Variants in PACRG observed in about 807,000 individuals in gnomAD.
PACRG encodes parkin coregulated gene protein.
A neutral mutation model predicts 29.7 loss-of-function variants in PACRG; 29 were observed. That is an observed-to-expected ratio of 0.98 (90% CI 0.73 to 1.33). PACRG has a LOEUF of 1.33. Ranked by LOEUF, PACRG falls within the 40% of genes most tolerant of loss-of-function variation. PACRG has a pLI of 0.00. For missense variants in PACRG, 279 were observed against 316.2 expected, an observed-to-expected ratio of 0.88 and a Z score of 0.89; for synonymous variants, 116 against 118.7, an observed-to-expected ratio of 0.98 and a Z score of 0.15.
At chr6:162,940,867 T>G (rs1336006256) in intron 2 of PACRG, among the ~76,000 whole-genome samples, 1 of 152,186 alleles carries the variant, frequency 6.6e-6, no homozygotes, top group Non-Finnish European at 1.5e-5. Context: ...GAGTTTTTAC[T>G]GGACTATCAG....
At chr6:162,742,555 A>G (rs996038385) in intron 1 of PACRG, among the ~76,000 whole-genome samples, 1 of 152,204 alleles carries the variant, frequency 6.6e-6, no homozygotes, top group Non-Finnish European at 1.5e-5. Flanking sequence ...TTTCACATGC[A>G]TAAATATTCT....
chr6:162,730,591 A>T (rs1779687052), intron 1 of PACRG, among the ~76,000 whole-genome samples: 1 of 152,162 alleles, frequency 6.6e-6, no homozygotes, highest in African/African-American at 2.4e-5. Context: ...GTTTCATCAA[A>T]TGGGCTGTGC....
intron 2 of PACRG, among the ~76,000 whole-genome samples, chr6:162,877,435 G>C (rs909219832): frequency 6.6e-6 from 1 of 152,052 alleles, no homozygotes; most frequent in African/African-American, 2.4e-5. Context: ...GGGCCTGTTG[G>C]GAGGTTGGGG....
At chr6:162,867,019 T>C (rs1388062930) in intron 2 of PACRG, among the ~76,000 whole-genome samples, 1 of 152,126 alleles carries the variant, frequency 6.6e-6, no homozygotes, top group Non-Finnish European at 1.5e-5. Context: ...TGGTAAATAA[T>C]AAATATAAGT....
intron 2 of PACRG, among the ~76,000 whole-genome samples, chr6:162,867,054 C>T (rs1792355934): frequency 2.0e-5 from 3 of 152,116 alleles, no homozygotes; most frequent in Admixed American, 2.0e-4. Flanking sequence ...AACCAGGGTC[C>T]ACAGCGGGAA....
intron 4 of PACRG, among the ~76,000 whole-genome samples, chr6:163,271,099 A>C (rs558421434): frequency 6.6e-6 from 1 of 152,170 alleles, no homozygotes; most frequent in Non-Finnish European, 1.5e-5. Context: ...AAGGTCCAAG[A>C]GTCCCAAAGC....
intron 2 of PACRG, among the ~76,000 whole-genome samples, chr6:162,866,323 C>T (rs956573378): frequency 6.6e-6 from 1 of 152,184 alleles, no homozygotes; most frequent in Non-Finnish European, 1.5e-5. Flanking sequence ...TCCTGTGCTT[C>T]CGGTCTTTAC....
At chr6:163,240,761 C>T (rs753548500) in intron 4 of PACRG, among the ~76,000 whole-genome samples, 5 of 152,218 alleles carry the variant, frequency 3.3e-5, no homozygotes, top group Non-Finnish European at 5.9e-5. Context: ...CCTCGGGGCG[C>T]TGCCCTGTGG....
chr6:163,138,079 T>G (rs371484965), intron 4 of PACRG, among the ~76,000 whole-genome samples: 1 of 152,198 alleles, frequency 6.6e-6, no homozygotes, highest in Non-Finnish European at 1.5e-5. Context: ...CGGAGCCGCC[T>G]GGGGCATTAG....
chr6:162,795,933 GC>G (rs1344587829), intron 1 of PACRG, among the ~76,000 whole-genome samples: 1 of 152,018 alleles, frequency 6.6e-6, no homozygotes, highest in African/African-American at 2.4e-5. Context: ...AATTTTGCAT[GC>G]TAGTACCTTA....
chr6:163,211,470 T>C (rs1781136391), intron 4 of PACRG, among the ~76,000 whole-genome samples: 1 of 152,194 alleles, frequency 6.6e-6, no homozygotes, highest in Admixed American at 6.5e-5. Context: ...ATATCAAGCT[T>C]ATATACACAG....
intron 4 of PACRG, among the ~76,000 whole-genome samples, chr6:163,218,464 G>A (rs1562322319): frequency 6.6e-6 from 1 of 152,054 alleles, no homozygotes; most frequent in Non-Finnish European, 1.5e-5. Flanking sequence ...TCCTTCCAAG[G>A]GCTATGAGTG....
intron 4 of PACRG, among the ~76,000 whole-genome samples, chr6:163,204,608 C>T (rs1022618888): frequency 6.6e-5 from 10 of 151,938 alleles, no homozygotes; most frequent in South Asian, 6.2e-4. Context: ...AAGAAGAGCC[C>T]ATGGTCAGAG....
intron 2 of PACRG, among the ~76,000 whole-genome samples, chr6:162,879,891 CT>C (rs1793689418): frequency 6.6e-6 from 1 of 152,176 alleles, no homozygotes; most frequent in Non-Finnish European, 1.5e-5. Context: ...CCTGATATAT[CT>C]ACAAAACACC....
At chr6:162,800,978 G>A (rs1025384173) in intron 1 of PACRG, among the ~76,000 whole-genome samples, 3 of 152,072 alleles carry the variant, frequency 2.0e-5, no homozygotes, top group African/African-American at 2.4e-5. Flanking sequence ...CTCCACGTGC[G>A]CTGAGCCGTC....
chr6:163,124,690 G>C (rs2128326555), intron 4 of PACRG, among the ~76,000 whole-genome samples: 1 of 152,302 alleles, frequency 6.6e-6, no homozygotes, highest in South Asian at 2.1e-4. Context: ...TAGAGTCAAA[G>C]GAAGGAAGAG....
At chr6:162,951,026 GA>G (rs1799608114) in intron 2 of PACRG, among the ~76,000 whole-genome samples, 2 of 152,196 alleles carry the variant, frequency 1.3e-5, no homozygotes, top group South Asian at 4.1e-4. Flanking sequence ...CTCTTCAGGT[GA>G]AATTGAATCT....
intron 1 of PACRG, among the ~76,000 whole-genome samples, chr6:162,794,460 A>G (rs1785205269): frequency 6.6e-6 from 1 of 152,204 alleles, no homozygotes; most frequent in Non-Finnish European, 1.5e-5. Context: ...GGACAAATTT[A>G]TCAATTTTTA....
intron 4 of PACRG, among the ~76,000 whole-genome samples, chr6:163,094,859 C>T (rs1001010677): frequency 3.3e-5 from 5 of 152,198 alleles, no homozygotes; most frequent in African/African-American, 1.2e-4. Context: ...AACTACACAG[C>T]ACAATGGTTA....
Sources: gnomAD v4.1 joint callset for allele counts (sites outside exome capture counted in the v4.1 genomes callset) on GRCh38, gnomAD v4.1.1 for gene constraint, MANE v1.5 for transcripts, NCBI Gene and HGNC (gene_info 2026-07-23, HGNC 2026-07-21) for gene names.